The following SUSD6 variants were observed in gnomAD, a reference collection of about 807,000 sequenced individuals.
SUSD6 encodes sushi domain containing 6, also known as sushi domain-containing protein 6.
In SUSD6, 16 loss-of-function variants were observed where a neutral mutation model predicts 28.4. The observed-to-expected ratio is 0.56, with a 90% CI of 0.38 to 0.86. SUSD6 has a LOEUF of 0.86. SUSD6 is among the 40% of genes least tolerant of loss of function. The pLI is 0.00. For missense variants in SUSD6, 341 were observed against 384.2 expected, an observed-to-expected ratio of 0.89 and a Z score of 0.94; for synonymous variants, 147 against 159.6, an observed-to-expected ratio of 0.92 and a Z score of 0.59.
chr14:69,684,164 G>A (rs1886038117), intron 2 of SUSD6, among the ~76,000 whole-genome samples: 1 of 152,186 alleles, frequency 6.6e-6, no homozygotes, highest in Non-Finnish European at 1.5e-5. Flanking sequence ...GCTGGTCGTT[G>A]GAGAATGAGA....
chr14:69,702,148 C>T (rs1047828560), intron 2 of SUSD6, among the ~76,000 whole-genome samples: 3 of 152,142 alleles, frequency 2.0e-5, no homozygotes, highest in South Asian at 4.1e-4. Flanking sequence ...AGAAAACGAC[C>T]GTTCTTATTC....
At chr14:69,696,569 T>G (rs1328663584) in intron 2 of SUSD6, among the ~76,000 whole-genome samples, 1 of 152,230 alleles carries the variant, frequency 6.6e-6, no homozygotes, top group African/African-American at 2.4e-5. Context: ...TAAGAGACCC[T>G]TAGTGCTAAA....
In SUSD6 at chr14:69,646,599, T is replaced by C. The variant is rs951044351; in HGVS notation, c.-80-11914T>C. On this transcript the variant is annotated intron_variant, in intron 1 of 5. Transcript: ENST00000342745. ...TCTGAATGAAATTCATTATGTTCCC[T>C]GACCAAACCTGCTTATTCACCTGTA... 1.5e-4 allele frequency among the ~76,000 whole-genome samples: 23 copies of C among 152,046 alleles called. 2 individuals are homozygous for C. Among genetic ancestry groups the C allele is most frequent in the Admixed American group, 1.5e-3 (23 of 15,274 alleles).
At chr14:69,678,445 C>T (rs1423970131) in intron 2 of SUSD6, among the ~76,000 whole-genome samples, 1 of 151,788 alleles carries the variant, frequency 6.6e-6, no homozygotes, top group Non-Finnish European at 1.5e-5. Context: ...GTATTAATAA[C>T]AAAATATTTA....
chr14:69,626,852 A>T (rs1343565992), intron 1 of SUSD6, among the ~76,000 whole-genome samples: 1 of 138,470 alleles, frequency 7.2e-6, no homozygotes, highest in Non-Finnish European at 1.5e-5. Context: ...CTGGCTAATT[A>T]AAAAAAAAAA....
rs73281516 is a variant in SUSD6, at chr14:69,618,886, C to T, written c.-81+7058C>T. On this transcript the variant is annotated intron_variant, in intron 1 of 5. Transcript: ENST00000342745. ...CTTCACTGTTGCTATCTAGATGCTA[C>T]CAAAACTCCCAGCACAACAAAGTAT... Among the ~76,000 whole-genome samples, 636 of 152,206 alleles carry T rather than the reference C, an allele frequency of 4.2e-3. 6 individuals are homozygous for T. Among genetic ancestry groups the T allele is most frequent in the African/African-American group, 0.015 (609 of 41,506 alleles).
At chr14:69,703,121 T>C (rs989503638) in intron 2 of SUSD6, among the ~76,000 whole-genome samples, 1 of 152,174 alleles carries the variant, frequency 6.6e-6, no homozygotes, top group African/African-American at 2.4e-5. Flanking sequence ...TTCAAGACTT[T>C]AGAGTCTGCC....
intron 1 of SUSD6, among the ~76,000 whole-genome samples, chr14:69,649,415 A>G (rs909584831): frequency 3.9e-5 from 6 of 152,204 alleles, no homozygotes; most frequent in African/African-American, 1.2e-4. Context: ...CACATGAGAT[A>G]TATCTCTAGG....
rs1488661812 is a variant in SUSD6, at chr14:69,656,683, C to T, written c.-80-1830C>T. Among the ~76,000 whole-genome samples the T allele has an allele frequency of 4.6e-5, 7 of 152,200 alleles. No individual in the cohort carries two copies. The East Asian group carries it at 1.3e-3, about 29-fold the overall frequency. The stretch of plus-strand genomic sequence containing the variant: ...GCCAGGCACTTTGTCTATCCTAATC[C>T]TTACATCAACTCTACGAAGTTAGTA... On this transcript the variant is annotated intron_variant, in intron 1 of 5. Transcript: ENST00000342745.
In SUSD6 at chr14:69,711,325, G is replaced by T; in HGVS notation, c.*346G>T. 1 of 372,456 alleles carries T rather than the reference G, an allele frequency of 2.7e-6. No individual in the cohort carries two copies. The highest frequency in any genetic ancestry group is 5.0e-6 in the Non-Finnish European group (1 of 200,288). 23.1% of individuals were successfully genotyped at this position (372,456 alleles called of 1,614,324 possible). A position where few individuals can be genotyped will look rare whatever the true frequency, so the allele number is the denominator to read the frequency against. ...GCGGCAGCCCCCACCAGCTCCTGTG[G>T]GCCTGAGTGCTGCTGTGTTTACTTG... On this transcript the variant is annotated 3_prime_UTR_variant, in exon 6 of 6. Coordinates refer to ENST00000342745, the MANE Select transcript of SUSD6 (RefSeq NM_014734.4).
rs954703942 is a variant in SUSD6, at chr14:69,703,647, C to T, written c.319+55C>T. ...GCTGGGGTTCTGCTTTCTGTTAACTCACAGGATGCAAAGCATGCTTCCTCC... is the reference window on the plus strand; with the variant it reads ...GCTGGGGTTCTGCTTTCTGTTAACTTACAGGATGCAAAGCATGCTTCCTCC... On this transcript the variant is annotated intron_variant, in intron 3 of 5. Coordinates refer to ENST00000342745, the MANE Select transcript of SUSD6 (RefSeq NM_014734.4). The T allele has an allele frequency of 4.6e-6, 7 of 1,517,388 alleles. No individual in the cohort carries two copies. In the African/African-American group the frequency reaches 8.2e-5, roughly 18 times the overall value. The allele number at this position is 1,517,388 out of a possible 1,614,324, so 94.0% of individuals were successfully genotyped here. A position where few individuals can be genotyped will look rare whatever the true frequency, so the allele number is the denominator to read the frequency against.
intron 2 of SUSD6, among the ~76,000 whole-genome samples, chr14:69,661,969 A>T (rs1167510233): frequency 6.6e-6 from 1 of 151,664 alleles, no homozygotes; most frequent in Non-Finnish European, 1.5e-5. Flanking sequence ...CCAGTTAATT[A>T]AAAAAAAATT....
chr14:69,685,498 C>T (rs180672282), intron 2 of SUSD6, among the ~76,000 whole-genome samples: 85 of 152,290 alleles, frequency 5.6e-4, no homozygotes, highest in African/African-American at 2.0e-3. Flanking sequence ...CAGGTGCTGA[C>T]TAGCTTGACT....
At chr14:69,642,919 T>G (rs568708436) in intron 1 of SUSD6, among the ~76,000 whole-genome samples, 1 of 152,258 alleles carries the variant, frequency 6.6e-6, no homozygotes, top group South Asian at 2.1e-4. Context: ...TCTTTGCAGC[T>G]CTCTCCTTTT....
At chr14:69,700,432 C>A (rs182017451) in intron 2 of SUSD6, among the ~76,000 whole-genome samples, 21 of 152,168 alleles carry the variant, frequency 1.4e-4, no homozygotes, top group Admixed American at 7.9e-4. Flanking sequence ...GCGGCTCCCC[C>A]TTTTCTTTGA....
At chr14:69,660,081 G>A (rs963323893) in intron 2 of SUSD6, among the ~76,000 whole-genome samples, 23 of 152,132 alleles carry the variant, frequency 1.5e-4, no homozygotes, top group Admixed American at 3.9e-4. Flanking sequence ...GTGCTTCCTG[G>A]AGAGGGATCT....
chr14:69,662,829 T>A (rs554543465), intron 2 of SUSD6, among the ~76,000 whole-genome samples: 1 of 152,294 alleles, frequency 6.6e-6, no homozygotes, highest in Non-Finnish European at 1.5e-5. Context: ...ACAGAAACAA[T>A]AATCCTTAAG....
In SUSD6 at chr14:69,642,550, T is replaced by C. The variant is rs182718273; in HGVS notation, c.-80-15963T>C. On this transcript the variant is annotated intron_variant, in intron 1 of 5. Transcript: ENST00000342745. Reference sequence around the variant, plus strand: ...AAGAGAAATGAGGAAGAAGCAAAAGTGGAAACCCCTGATAAACCCATCAGA... The same window carrying C: ...AAGAGAAATGAGGAAGAAGCAAAAGCGGAAACCCCTGATAAACCCATCAGA... 9.1e-4 allele frequency among the ~76,000 whole-genome samples: 138 copies of C among 152,080 alleles called. 4 individuals carry two copies. The East Asian group carries it at 0.023, about 25-fold the overall frequency.
At chr14:69,668,438 C>T in intron 2 of SUSD6, among the ~76,000 whole-genome samples, 1 of 151,870 alleles carries the variant, frequency 6.6e-6, no homozygotes. Flanking sequence ...AGTTTGAGAC[C>T]AGCCCGGCCA....
Sources: gnomAD v4.1 joint callset for allele counts (sites outside exome capture counted in the v4.1 genomes callset) on GRCh38, gnomAD v4.1.1 for gene constraint, MANE v1.5 for transcripts, NCBI Gene and HGNC (gene_info 2026-07-23, HGNC 2026-07-21) for gene names.